Variants in STPG2 observed in about 807,000 individuals in gnomAD.
The protein encoded by STPG2 is sperm-tail PG-rich repeat-containing protein 2.
A neutral mutation model predicts 54.2 loss-of-function variants in STPG2; 56 were observed. That is an observed-to-expected ratio of 1.03 (90% CI 0.83 to 1.29). The LOEUF (loss-of-function observed/expected upper bound fraction) is 1.29. Among genes scored for constraint, STPG2 ranks in the 50% most tolerant of loss-of-function variants. The pLI is 0.00. For synonymous variants in STPG2, 200 were observed against 181.8 expected (o/e 1.10, Z -0.81); for missense variants, 596 against 544.9 (o/e 1.09, Z -0.93).
At chr4:97,580,318 T>C (rs1056365766) in intron 10 of STPG2, among the ~76,000 whole-genome samples, 2 of 151,952 alleles carry the variant, frequency 1.3e-5, no homozygotes, top group African/African-American at 4.8e-5. Flanking sequence ...GTTATAATGA[T>C]TATATGATAT....
At chr4:97,893,160 T>C (rs907514316) in intron 8 of STPG2, 2 of 152,028 alleles carry the variant, frequency 1.3e-5, no homozygotes, top group African/African-American at 4.8e-5. Context: ...GGGTACTGCA[T>C]GGCCTATATC....
intron 9 of STPG2, among the ~76,000 whole-genome samples, chr4:97,740,021 A>G (rs571084145): frequency 5.3e-4 from 81 of 152,280 alleles, no homozygotes; most frequent in African/African-American, 1.7e-3. Context: ...CACCATGATC[A>G]AGTGGGCTTC....
chr4:97,532,286 T>C (rs768533295), intron 4 of STPG2, among the ~76,000 whole-genome samples: 1 of 152,272 alleles, frequency 6.6e-6, no homozygotes, highest in Non-Finnish European at 1.5e-5. Flanking sequence ...TTTTACTATA[T>C]CTATATTTGC....
chr4:97,943,797 A>G, intron 8 of STPG2, 100 bp downstream of exon 8: 4 of 832,052 alleles, frequency 4.8e-6, no homozygotes, highest in Non-Finnish European at 3.7e-6. Context: ...ACAGCACGCT[A>G]CCAGTTACCT....
intron 8 of STPG2, among the ~76,000 whole-genome samples, chr4:97,903,869 C>T (rs1237287017): frequency 6.6e-6 from 1 of 152,196 alleles, no homozygotes; most frequent in East Asian, 1.9e-4. Context: ...GTCACTCCCA[C>T]CCGAATACTG....
Position 98,128,410 on chromosome 4 carries a change from G to A in STPG2, c.387+18C>T. ...TAAACAATTTTCCAATTGTCAATAT[G>A]AAATACATTATACTTACAAATTGAG... On this transcript the variant is annotated intron_variant, in intron 3 of 10. Transcript: ENST00000295268. 6.5e-7 allele frequency: 1 copy of A among 1,541,254 alleles called. No individual in the cohort carries two copies. The highest frequency in any genetic ancestry group is 8.7e-7 in the Non-Finnish European group (1 of 1,147,172).
intron 4 of STPG2, among the ~76,000 whole-genome samples, chr4:97,500,421 C>T (rs1442926799): frequency 1.3e-5 from 2 of 151,890 alleles, no homozygotes; most frequent in Non-Finnish European, 2.9e-5. Flanking sequence ...TTTTGAAATG[C>T]CCATTAGACA....
rs146166643 is a variant in STPG2, at chr4:97,760,065, A to G, written c.1205-47251T>C. On this transcript the variant is annotated intron_variant, in intron 9 of 10. Coordinates refer to ENST00000295268, the MANE Select transcript of STPG2 (RefSeq NM_174952.3). ...TGCCACTCTCACCACCACTTACCAT[A>G]TTATATTATGGGCTATCGCTCAAAC... 4.2e-3 allele frequency among the ~76,000 whole-genome samples: 640 copies of G among 152,294 alleles called. 3 individuals are homozygous for G. The highest frequency in any genetic ancestry group is 0.024 in the South Asian group (117 of 4,830).
chr4:98,072,794 T>A (rs1738046333), intron 5 of STPG2, among the ~76,000 whole-genome samples: 1 of 152,132 alleles, frequency 6.6e-6, no homozygotes, highest in Non-Finnish European at 1.5e-5. Flanking sequence ...GCTTATTATC[T>A]CCTTATCAGC....
intron 9 of STPG2, among the ~76,000 whole-genome samples, chr4:97,838,360 T>C (rs1224671982): frequency 4.6e-5 from 7 of 151,434 alleles, no homozygotes; most frequent in South Asian, 2.1e-4. Flanking sequence ...CTTTTGATTA[T>C]ACAATGATGT....
At chr4:97,496,610 T>C (rs1730615949) in intron 4 of STPG2, among the ~76,000 whole-genome samples, 3 of 151,906 alleles carry the variant, frequency 2.0e-5, no homozygotes, top group South Asian at 4.1e-4. Context: ...TAAAATGATC[T>C]TCCTGTTGGA....
intron 10 of STPG2, among the ~76,000 whole-genome samples, chr4:97,586,928 T>C (rs558660608): frequency 6.6e-6 from 1 of 152,002 alleles, no homozygotes; most frequent in South Asian, 2.1e-4. Context: ...AGACTTTCCT[T>C]TTTCTCATGA....
chr4:97,947,553 G>A (rs992106536), intron 7 of STPG2, among the ~76,000 whole-genome samples: 1 of 151,746 alleles, frequency 6.6e-6, no homozygotes, highest in Non-Finnish European at 1.5e-5. Flanking sequence ...TGTCATAGAT[G>A]GTGTCTATTA....
At chr4:97,486,285 C>T (rs1454781817) in intron 4 of STPG2, among the ~76,000 whole-genome samples, 17 of 151,734 alleles carry the variant, frequency 1.1e-4, no homozygotes, top group Admixed American at 1.1e-3. Flanking sequence ...TGACAAAGGA[C>T]TAATATCCAG....
intron 4 of STPG2, among the ~76,000 whole-genome samples, chr4:97,441,753 T>A (rs1729087684): frequency 6.6e-6 from 1 of 152,060 alleles, no homozygotes; most frequent in Non-Finnish European, 1.5e-5. Context: ...GTATTTATTG[T>A]CCTTTTGACT....
In STPG2 at chr4:97,527,005, T is replaced by C. The variant is rs182693433; in HGVS notation, c.462+185694A>G. ...AAATAATAGATGCTGCCAAAGCTTT[T>C]TTTTTTTTTAATACTTTAAGTTCTG... On this transcript the variant is annotated intron_variant, in intron 4 of 4. Transcript: ENST00000522676. 2.5e-4 allele frequency among the ~76,000 whole-genome samples: 38 copies of C among 152,096 alleles called. No individual in the cohort carries two copies. The East Asian group carries it at 6.0e-3, about 24-fold the overall frequency.
At chr4:97,960,894 G>C (rs1313505320) in intron 7 of STPG2, among the ~76,000 whole-genome samples, 1 of 151,768 alleles carries the variant, frequency 6.6e-6, no homozygotes, top group Non-Finnish European at 1.5e-5. Flanking sequence ...GCCAAGGCAA[G>C]ACCAAGCAAA....
At chr4:97,927,428 AACCT>A (rs1399657676) in intron 8 of STPG2, among the ~76,000 whole-genome samples, 5 of 152,094 alleles carry the variant, frequency 3.3e-5, no homozygotes, top group African/African-American at 1.2e-4. Context: ...CTTTCCCACT[AACCT>A]GATAGTCAAC....
At chr4:97,762,579 C>T (rs934775547) in intron 9 of STPG2, among the ~76,000 whole-genome samples, 2 of 152,022 alleles carry the variant, frequency 1.3e-5, no homozygotes, top group Non-Finnish European at 2.9e-5. Flanking sequence ...GCTAAAAATG[C>T]CTCAGGGGAA....
Sources: allele counts gnomAD v4.1 joint callset (sites outside exome capture counted in the v4.1 genomes callset), GRCh38; gene constraint gnomAD v4.1.1; transcripts MANE v1.5; gene names NCBI Gene and HGNC (gene_info 2026-07-23, HGNC 2026-07-21).